ACTN4: variants seen among roughly 807,000 people sequenced by gnomAD.
ACTN4 encodes actinin alpha 4.
Under a neutral mutation model 114.2 loss-of-function variants are expected in ACTN4, and 18 were observed. The ratio of observed to expected loss-of-function variants is 0.16; its 90% CI spans 0.11 to 0.23. ACTN4 has a LOEUF of 0.23. Among genes scored for constraint, ACTN4 ranks in the 10% least tolerant of loss-of-function variants. The pLI is 1.00. For synonymous variants in ACTN4, 515 were observed against 506.3 expected, an observed-to-expected ratio of 1.02 and a Z score of -0.23; for missense variants, 722 against 1,262.9, an observed-to-expected ratio of 0.57 and a Z score of 6.49.
Position 38,731,133 on chromosome 19 carries a change from C to G in ACTN4, c.*1701C>G. On this transcript the variant is annotated 3_prime_UTR_variant, in exon 21 of 21. Transcript: ENST00000252699. ...GAAGATGCAGGTGAGGTGGGCCACA[C>G]AGGACACGAACCGCTCGAAGTCCAC... 1 of 1,612,792 alleles carries G rather than the reference C, an allele frequency of 6.2e-7. No individual in the cohort carries two copies. Among genetic ancestry groups the G allele is most frequent in the Non-Finnish European group, 8.5e-7 (1 of 1,179,904 alleles).
intron 1 of ACTN4, among the ~76,000 whole-genome samples, chr19:38,671,427 A>G (rs1967124857): frequency 6.6e-6 from 1 of 152,240 alleles, no homozygotes; most frequent in South Asian, 2.1e-4. Flanking sequence ...ATGAACTGCC[A>G]GTTCAGAATT....
chr19:38,647,976 C>T, intron 1 of ACTN4, 69 bp downstream of exon 1: 1 of 1,388,964 alleles, frequency 7.2e-7, no homozygotes. Context: ...GGTGGGAGGT[C>T]CTGAAAGGTA....
At chr19:38,652,930 AC>A (rs1204143702) in intron 1 of ACTN4, among the ~76,000 whole-genome samples, 1 of 151,988 alleles carries the variant, frequency 6.6e-6, no homozygotes, top group Non-Finnish European at 1.5e-5. Flanking sequence ...TACCAATAAT[AC>A]AAAAATTAAC....
At position 38,724,701 on chromosome 19, in the gene ACTN4, C is replaced by T. The variant is rs1378439646; in HGVS notation, c.2010+136C>T. 27 of 1,420,480 alleles carry T rather than the reference C, an allele frequency of 1.9e-5. No individual in the cohort carries two copies. The highest frequency in any genetic ancestry group is 3.7e-5 in the Admixed American group (2 of 54,046). 88.0% of individuals were successfully genotyped at this position (1,420,480 alleles called of 1,614,324 possible). A position where few individuals can be genotyped will look rare whatever the true frequency, so the allele number is the denominator to read the frequency against. On this transcript the variant is annotated intron_variant, in intron 16 of 20. Transcript: ENST00000252699. This position sits in a 1 kb window ranked among gnomAD's most constrained non-coding sequence, Gnocchi z 7.0. ...GTCCCAATTCTCACCACCCAGGGGC[C>T]GTGATCACCCTGCGGGGTTAGGAGA...
intron 1 of ACTN4, among the ~76,000 whole-genome samples, chr19:38,659,273 C>T (rs1976807243): frequency 6.6e-6 from 1 of 151,936 alleles, no homozygotes; most frequent in Non-Finnish European, 1.5e-5. Context: ...GTTGGCCAGG[C>T]TGGTCTTGAA....
At chr19:38,647,997 C>A in intron 1 of ACTN4, 90 bp downstream of exon 1, 1 of 1,345,880 alleles carries the variant, frequency 7.4e-7, no homozygotes, top group South Asian at 1.7e-5. Context: ...ACTGGAGCGT[C>A]TGTGATGGGA....
chr19:38,696,060 GGTGACAGAATTAGTAA>G (rs1456577938), intron 1 of ACTN4, among the ~76,000 whole-genome samples: 1 of 152,138 alleles, frequency 6.6e-6, no homozygotes, highest in African/African-American at 2.4e-5. Context: ...TGATTACGAG[GGTGACAGAATTAGTAA>G]GTGACCAAGT....
rs753213013 is a variant in ACTN4, at chr19:38,725,733, C to T, written c.2020C>T (p.Arg674Cys). 41 of 1,613,706 alleles carry T rather than the reference C, an allele frequency of 2.5e-5. No homozygotes were observed. Among genetic ancestry groups the T allele is most frequent in the Non-Finnish European group, 3.1e-5 (36 of 1,180,008 alleles). ...WIQTKMEEIG[R>C]ISIEMNGTLE... ...GCACCCACCCCCGTAGGAGATCGGGCGCATCTCCATTGAGATGAACGGGAC... is the reference window on the plus strand; with the variant it reads ...GCACCCACCCCCGTAGGAGATCGGGTGCATCTCCATTGAGATGAACGGGAC... Residue 674 changes from arginine to cysteine, a missense_variant, in exon 17 of 21, where the codon CGC becomes TGC. Transcript: ENST00000252699.
chr19:38,729,618 T>C lies in ACTN4; in HGVS notation c.*186T>C, dbSNP rs1257120181. 7.0e-6 allele frequency: 6 copies of C among 857,500 alleles called. No individual in the cohort carries two copies. The highest frequency in any genetic ancestry group is 2.8e-4 in the Middle Eastern group (1 of 3,634). The allele number at this position is 857,500 out of a possible 1,614,324, so 53.1% of individuals were successfully genotyped here. A position where few individuals can be genotyped will look rare whatever the true frequency, so the allele number is the denominator to read the frequency against. On this transcript the variant is annotated 3_prime_UTR_variant, in exon 21 of 21. Transcript: ENST00000252699. ...TCTCTTTGTGGGTTGGCCAGGAGGT[T>C]CCCCCGACCAGGTTGGGGAGACTTG...
At chr19:38,680,800 C>G (rs1043217055) in intron 1 of ACTN4, among the ~76,000 whole-genome samples, 4 of 152,052 alleles carry the variant, frequency 2.6e-5, no homozygotes, top group African/African-American at 7.2e-5. Context: ...TACCATTGTC[C>G]TTACTCAGGA....
chr19:38,702,743 G>A (rs913261955), intron 3 of ACTN4, among the ~76,000 whole-genome samples: 1 of 152,190 alleles, frequency 6.6e-6, no homozygotes, highest in Admixed American at 6.5e-5. Context: ...GCAGCAGAAT[G>A]AGCATATTTC....
rs1172991336 is a variant in ACTN4 at position 38,727,513 on chromosome 19, C to G, written c.2337+410C>G. ...GCCAGAGTTTGCTGCCATCCCCAGCCCACCCCTGCCGGGCTGACGGACTGA... is the reference window on the plus strand; with the variant it reads ...GCCAGAGTTTGCTGCCATCCCCAGCGCACCCCTGCCGGGCTGACGGACTGA... On this transcript the variant is annotated intron_variant, in intron 18 of 20. Transcript: ENST00000252699. This position sits in a 1 kb window ranked among gnomAD's most constrained non-coding sequence, Gnocchi z 5.4. Among the ~76,000 whole-genome samples the G allele has an allele frequency of 6.6e-6, 1 of 152,170 alleles. No individual in the cohort carries two copies. Among genetic ancestry groups the G allele is most frequent in the African/African-American group, 2.4e-5 (1 of 41,424 alleles).
At chr19:38,666,046 C>T (rs1478165632) in intron 1 of ACTN4, among the ~76,000 whole-genome samples, 2 of 152,068 alleles carry the variant, frequency 1.3e-5, no homozygotes, top group Non-Finnish European at 2.9e-5. Context: ...AGCCTGTGCC[C>T]AGCTGCCGAC....
At chr19:38,687,644 C>T (rs1186077185) in intron 1 of ACTN4, among the ~76,000 whole-genome samples, 3 of 152,184 alleles carry the variant, frequency 2.0e-5, no homozygotes, top group Non-Finnish European at 4.4e-5. Flanking sequence ...CCAAACGGAT[C>T]AGATACCTAA....
intron 1 of ACTN4, among the ~76,000 whole-genome samples, chr19:38,656,219 C>T (rs1976707128): frequency 6.6e-6 from 1 of 152,066 alleles, no homozygotes; most frequent in East Asian, 1.9e-4. Context: ...CTCAAGCCAT[C>T]CCCCCACCTC....
intron 1 of ACTN4, among the ~76,000 whole-genome samples, chr19:38,692,240 C>T (rs764896258): frequency 2.0e-5 from 3 of 152,228 alleles, no homozygotes; most frequent in East Asian, 1.9e-4. Flanking sequence ...ACACACAGTG[C>T]ACTTGCTTTG....
chr19:38,693,809 G>C (rs1968006758), intron 1 of ACTN4, among the ~76,000 whole-genome samples: 1 of 152,202 alleles, frequency 6.6e-6, no homozygotes, highest in Admixed American at 6.5e-5. Flanking sequence ...CAGTGACAAA[G>C]CAGAAACTGC....
intron 20 of ACTN4, 55 bp from the exon 21 acceptor site, chr19:38,729,219 G>A: frequency 6.2e-7 from 1 of 1,612,730 alleles, no homozygotes; most frequent in East Asian, 2.2e-5. Flanking sequence ...GGGAGGGGCT[G>A]AGGGGGCCAG....
intron 1 of ACTN4, among the ~76,000 whole-genome samples, chr19:38,671,802 C>T (rs1285573304): frequency 6.6e-6 from 1 of 152,232 alleles, no homozygotes; most frequent in African/African-American, 2.4e-5. Context: ...AGCCAGGAAG[C>T]TCGCCATGAA....
Sources: allele counts gnomAD v4.1 joint callset (sites outside exome capture counted in the v4.1 genomes callset), GRCh38; gene constraint gnomAD v4.1.1; non-coding constraint Gnocchi (gnomAD v3.1); transcripts MANE v1.5; gene names NCBI Gene and HGNC (gene_info 2026-07-23, HGNC 2026-07-21).